The following AUTS2 variants were observed in gnomAD, a reference collection of about 807,000 sequenced individuals.
AUTS2 encodes activator of transcription and developmental regulator AUTS2, also known as autism susceptibility gene 2 protein.
AUTS2 carries 17 observed loss-of-function variants against 112.4 expected under a neutral mutation model. That is an observed-to-expected ratio of 0.15 (90% CI 0.10 to 0.23). AUTS2 has a LOEUF of 0.23. Ranked by LOEUF, AUTS2 falls within the 10% of genes least tolerant of loss-of-function variation. The probability of loss-of-function intolerance (pLI) is 1.00; values close to 1 mark genes in which losing one functional copy is unlikely to be tolerated. For missense variants in AUTS2, 1,510 were observed against 1,701.6 expected, an observed-to-expected ratio of 0.89 and a Z score of 1.98; for synonymous variants, 751 against 702.7, an observed-to-expected ratio of 1.07 and a Z score of -1.09.
rs918503208 is a variant in AUTS2 at position 69,622,755 on chromosome 7, T to C, written c.309+22793T>C. Among the ~76,000 whole-genome samples, 6 of 152,238 alleles carry C rather than the reference T, an allele frequency of 3.9e-5. No individual in the cohort carries two copies. In the East Asian group the frequency reaches 9.6e-4, roughly 24 times the overall value. ...TTCCTTTTTAGGGAAGATATTGTAATTGTGAGAAAAATATTCAGAAAAGCC... is the reference window on the plus strand; with the variant it reads ...TTCCTTTTTAGGGAAGATATTGTAACTGTGAGAAAAATATTCAGAAAAGCC... On this transcript the variant is annotated intron_variant, in intron 1 of 18. Transcript: ENST00000342771.
chr7:70,067,306 C>A (rs1563076652), intron 2 of AUTS2, among the ~76,000 whole-genome samples: 2 of 152,022 alleles, frequency 1.3e-5, no homozygotes, highest in African/African-American at 4.8e-5. Context: ...TCTAAGAATG[C>A]AGTATACATA....
At chr7:70,142,588 A>G (rs1806923092) in intron 4 of AUTS2, among the ~76,000 whole-genome samples, 1 of 152,230 alleles carries the variant, frequency 6.6e-6, no homozygotes, top group South Asian at 2.1e-4. Flanking sequence ...GCAATTATTC[A>G]TAATGAATAA....
At chr7:70,779,602 C>T (rs1340984551) in intron 14 of AUTS2, among the ~76,000 whole-genome samples, 1 of 152,032 alleles carries the variant, frequency 6.6e-6, no homozygotes, top group Non-Finnish European at 1.5e-5. Flanking sequence ...TCACGCCATG[C>T]TCTGTCAATA....
intron 11 of AUTS2, among the ~76,000 whole-genome samples, chr7:70,773,151 TTTTC>T (rs1481000120): frequency 6.6e-6 from 1 of 152,100 alleles, no homozygotes; most frequent in African/African-American, 2.4e-5. Flanking sequence ...AGCTGATTGC[TTTTC>T]TTTCTTTCAT....
intron 1 of AUTS2, among the ~76,000 whole-genome samples, chr7:69,735,865 C>T (rs914065401): frequency 6.6e-6 from 1 of 152,194 alleles, no homozygotes; most frequent in African/African-American, 2.4e-5. Context: ...CTGTGGAGGA[C>T]ATTTGTATCT....
chr7:70,003,595 T>G, intron 2 of AUTS2, among the ~76,000 whole-genome samples: 1 of 124,550 alleles, frequency 8.0e-6, no homozygotes, highest in Admixed American at 9.2e-5. Flanking sequence ...TATATATGAA[T>G]ATGTTATATA....
intron 5 of AUTS2, among the ~76,000 whole-genome samples, chr7:70,483,557 G>A (rs538051234): frequency 7.2e-5 from 11 of 152,300 alleles, no homozygotes; most frequent in African/African-American, 1.9e-4. Flanking sequence ...TTAGCCCAGC[G>A]GCTCTCTGGT....
At chr7:70,649,980 A>G (rs754199060) in intron 5 of AUTS2, among the ~76,000 whole-genome samples, 2 of 152,174 alleles carry the variant, frequency 1.3e-5, no homozygotes, top group African/African-American at 2.4e-5. Flanking sequence ...GGCTTCAACC[A>G]TGGCAGGGGG....
At chr7:70,292,616 A>T (rs902249607) in intron 4 of AUTS2, 1 of 152,244 alleles carries the variant, frequency 6.6e-6, no homozygotes, top group Non-Finnish European at 1.5e-5. Context: ...ACTTGTTCAA[A>T]GAGCAGCAGC....
chr7:70,298,176 C>A (rs372351952), intron 4 of AUTS2, among the ~76,000 whole-genome samples: 1 of 151,920 alleles, frequency 6.6e-6, no homozygotes, highest in Non-Finnish European at 1.5e-5. Context: ...GGATTACAGG[C>A]GGCCACCACC....
intron 1 of AUTS2, among the ~76,000 whole-genome samples, chr7:69,614,368 T>TCTTTC (rs1474509971): frequency 2.6e-4 from 5 of 19,516 alleles, no homozygotes; most frequent in East Asian, 1.7e-3. Context: ...TTCTTTCTTT[T>TCTTTC]TTTAAGAGAT....
At chr7:69,791,327 G>C (rs145982630) in intron 1 of AUTS2, among the ~76,000 whole-genome samples, 1 of 152,160 alleles carries the variant, frequency 6.6e-6, no homozygotes, top group Non-Finnish European at 1.5e-5. Context: ...TGATTACAGC[G>C]ACAATGCTGC....
chr7:70,110,070 G>A (rs181431948), intron 2 of AUTS2, among the ~76,000 whole-genome samples: 8 of 152,262 alleles, frequency 5.3e-5, no homozygotes, highest in Non-Finnish European at 1.2e-4. Context: ...CTCTTGATAA[G>A]CAGTAGAACA....
intron 2 of AUTS2, among the ~76,000 whole-genome samples, chr7:70,029,578 C>G (rs1449500824): frequency 1.3e-5 from 2 of 151,986 alleles, no homozygotes; most frequent in African/African-American, 4.8e-5. Context: ...TGTTCTGAGA[C>G]AATAATGTAA....
chr7:70,162,166 G>A (rs1018786416), intron 4 of AUTS2, among the ~76,000 whole-genome samples: 4 of 152,088 alleles, frequency 2.6e-5, no homozygotes, highest in Non-Finnish European at 5.9e-5. Flanking sequence ...TAAAGGAGAG[G>A]CCGGGCGCGG....
At chr7:70,363,377 C>T (rs145193654) in intron 4 of AUTS2, among the ~76,000 whole-genome samples, 1,661 of 140,934 alleles carry the variant, frequency 0.012, 24 homozygotes, top group Admixed American at 0.017. Flanking sequence ...GTGGGTGCAG[C>T]GCACCAGCAT....
At chr7:70,703,345 A>T (rs1413031833) in intron 6 of AUTS2, among the ~76,000 whole-genome samples, 5 of 151,880 alleles carry the variant, frequency 3.3e-5, no homozygotes, top group Admixed American at 6.6e-5. Flanking sequence ...AATTCCAAAA[A>T]CCTAGCTGGG....
chr7:70,479,465 T>G (rs1011409119), intron 5 of AUTS2, among the ~76,000 whole-genome samples: 23 of 152,152 alleles, frequency 1.5e-4, no homozygotes, highest in Admixed American at 1.4e-3. Flanking sequence ...CACTTGCCAC[T>G]TCCCCGGAGT....
intron 1 of AUTS2, among the ~76,000 whole-genome samples, chr7:69,797,023 A>C (rs1397638226): frequency 6.6e-6 from 1 of 152,156 alleles, no homozygotes; most frequent in Non-Finnish European, 1.5e-5. Context: ...TGGAATCGTA[A>C]GTGTAAAGGG....
Sources: gnomAD v4.1 joint callset for allele counts (sites outside exome capture counted in the v4.1 genomes callset) on GRCh38, gnomAD v4.1.1 for gene constraint, MANE v1.5 for transcripts, NCBI Gene and HGNC (gene_info 2026-07-23, HGNC 2026-07-21) for gene names.